NDUFB5: variants seen among roughly 807,000 people sequenced by gnomAD.
NDUFB5 encodes the protein NADH:ubiquinone oxidoreductase subunit B5, also known as NADH dehydrogenase [ubiquinone] 1 beta subcomplex subunit 5, mitochondrial.
In NDUFB5, 19 loss-of-function variants were observed where a neutral mutation model predicts 19.4. The observed-to-expected ratio is 0.98, with a 90% confidence interval of 0.68 to 1.43. The LOEUF is 1.43. Among genes scored for constraint, NDUFB5 ranks in the 40% most tolerant of loss-of-function variants. The pLI is 0.00. For missense variants in NDUFB5, 233 were observed against 236.5 expected, an observed-to-expected ratio of 0.99 and a Z score of 0.10; for synonymous variants, 80 against 82.6, an observed-to-expected ratio of 0.97 and a Z score of 0.17.
Position 179,617,013 on chromosome 3 carries a change from G to A in NDUFB5, c.311G>A (p.Gly104Asp). The change falls in exon 4 of 6, where the codon GGC becomes GAC. Residue 104 changes from glycine (G) to aspartate (D), a missense_variant. By Grantham distance (94) the Gly-to-Asp change is moderately conservative (BLOSUM62 -1). Coordinates refer to ENST00000259037, the MANE Select transcript of NDUFB5 (RefSeq NM_002492.4). ...GCTGAACTAGCAGAAATTCCAGAAG[G>A]CTATGTCCCAGAACACTGGGAATAT... ...GQAELAEIPEGYVPEHWEYYK... is the reference protein window; with the variant it reads ...GQAELAEIPEDYVPEHWEYYK... 3 of 1,612,812 alleles carry A rather than the reference G, an allele frequency of 1.9e-6. No individual in the cohort carries two copies. The highest frequency in any genetic ancestry group is 2.5e-6 in the Non-Finnish European group (3 of 1,179,116).
At chr3:179,618,232 T>TA (rs1210709863) in intron 4 of NDUFB5, 183 bp from the exon 5 acceptor site, 2 of 459,204 alleles carry the variant, frequency 4.4e-6, no homozygotes, top group African/African-American at 4.1e-5. Context: ...CACTTATCTT[T>TA]AAAATGCGGA....
At position 179,623,882 on chromosome 3, in the gene NDUFB5, G is replaced by A. The variant is rs773348127; in HGVS notation, c.450-38G>A. 3 of 1,610,984 alleles carry A rather than the reference G, an allele frequency of 1.9e-6. No individual in the cohort carries two copies. The Admixed American group carries it at 5.0e-5, about 27-fold the overall frequency. On this transcript the variant is annotated intron_variant, in intron 5 of 5. Coordinates refer to ENST00000259037, the MANE Select transcript of NDUFB5 (RefSeq NM_002492.4). Reference sequence around the variant, plus strand: ...TGGCTCATTAAATTTATAATTGGAAGTGCTGGAATCTCAATATTGCTGTTC... The same window carrying A: ...TGGCTCATTAAATTTATAATTGGAAATGCTGGAATCTCAATATTGCTGTTC...
chr3:179,615,901 G>A (rs963282685), intron 2 of NDUFB5, 82 bp from the exon 3 acceptor site: 6 of 1,070,156 alleles, frequency 5.6e-6, no homozygotes, highest in East Asian at 2.4e-5. Context: ...TAAGAAATAT[G>A]AGGAAATCAT....
intron 3 of NDUFB5, among the ~76,000 whole-genome samples, 158 bp downstream of exon 3, chr3:179,616,207 A>G (rs1310446017): frequency 3.9e-5 from 6 of 152,216 alleles, no homozygotes; most frequent in Non-Finnish European, 5.9e-5. Context: ...CCAAATCTCA[A>G]TCTGAACTAA....
In NDUFB5 at chr3:179,624,895, CA is replaced by C. The variant is rs1719635442; in HGVS notation, c.*857del. ...GCAACCTCCGCCTCCCGGGTTCAAGCAATTCTTGTCTCAGCCTCCCAAGTAG... is the reference window on the plus strand; with the variant it reads ...GCAACCTCCGCCTCCCGGGTTCAAGCATTCTTGTCTCAGCCTCCCAAGTAG... On this transcript the variant is annotated 3_prime_UTR_variant, in exon 6 of 6. Coordinates refer to ENST00000259037, the MANE Select transcript of NDUFB5 (RefSeq NM_002492.4). 1 of 149,382 alleles carries C rather than the reference CA, an allele frequency of 6.7e-6. No individual in the cohort carries two copies. The highest frequency in any genetic ancestry group is 2.5e-5 in the African/African-American group (1 of 40,156). 9.3% of individuals were successfully genotyped at this position (149,382 alleles called of 1,614,324 possible). A position where few individuals can be genotyped will look rare whatever the true frequency, so the allele number is the denominator to read the frequency against.
chr3:179,623,980 C>A lies in NDUFB5; in HGVS notation c.510C>A (p.Tyr170Ter). Residue 170 changes from tyrosine to a stop codon, truncating the protein, a stop_gained, in exon 6 of 6, where the codon TAC (tyrosine) becomes TAA (stop). Coordinates refer to ENST00000259037, the MANE Select transcript of NDUFB5 (RefSeq NM_002492.4). LOFTEE classifies it high-confidence loss of function. ...TGAGAGGAGATGGACCCTGGTATTACTATGAGACAATTGACAAGGAACTTA... is the reference window on the plus strand; with the variant it reads ...TGAGAGGAGATGGACCCTGGTATTAATATGAGACAATTGACAAGGAACTTA... Reference protein sequence around the residue: ...MHVRGDGPWYYYETIDKELID... With the variant: ...MHVRGDGPWY The A allele has an allele frequency of 2.5e-6, 4 of 1,613,926 alleles. No homozygotes were observed. The highest frequency in any genetic ancestry group is 3.4e-6 in the Non-Finnish European group (4 of 1,179,870).
intron 5 of NDUFB5, among the ~76,000 whole-genome samples, chr3:179,621,323 C>CAAATG (rs1719528295): frequency 6.6e-6 from 1 of 152,070 alleles, no homozygotes; most frequent in Non-Finnish European, 1.5e-5. Context: ...AGCGATCCAC[C>CAAATG]CTCTGGGCCT....
intron 5 of NDUFB5, among the ~76,000 whole-genome samples, chr3:179,622,497 G>T (rs1719565203): frequency 6.6e-6 from 1 of 151,896 alleles, no homozygotes; most frequent in South Asian, 2.1e-4. Context: ...TTTATACCTT[G>T]CTTTTTAAAA....
At chr3:179,608,836 C>T (rs1270147978) in intron 1 of NDUFB5, among the ~76,000 whole-genome samples, 1 of 152,090 alleles carries the variant, frequency 6.6e-6, no homozygotes, top group African/African-American at 2.4e-5. Flanking sequence ...TGGGGAGTTT[C>T]TTCAGACCCA....
rs1214239602 is a variant in NDUFB5, at chr3:179,625,883, T to C, written c.*1843T>C. ...TGCTACAAATGACAGAATCCCATTCTTTTTCATAATATTGTCCATACATAC... is the reference window on the plus strand; with the variant it reads ...TGCTACAAATGACAGAATCCCATTCCTTTTCATAATATTGTCCATACATAC... On this transcript the variant is annotated 3_prime_UTR_variant, in exon 6 of 6. Transcript: ENST00000259037. 1 of 152,220 alleles carries C rather than the reference T, an allele frequency of 6.6e-6. No homozygotes were observed. 9.4% of individuals were successfully genotyped at this position (152,220 alleles called of 1,614,324 possible).
At chr3:179,606,954 G>A (rs1560022968) in intron 1 of NDUFB5, among the ~76,000 whole-genome samples, 1 of 152,276 alleles carries the variant, frequency 6.6e-6, no homozygotes, top group East Asian at 1.9e-4. Flanking sequence ...ATTCCTTGAT[G>A]AAAATCCCTT....
chr3:179,623,884 G>A (rs762886724), intron 5 of NDUFB5, 36 bp from the exon 6 acceptor site: 1 of 1,611,438 alleles, frequency 6.2e-7, no homozygotes, highest in South Asian at 1.1e-5. Flanking sequence ...AATTGGAAGT[G>A]CTGGAATCTC....
At chr3:179,622,581 T>G (rs1229094600) in intron 5 of NDUFB5, among the ~76,000 whole-genome samples, 1 of 152,234 alleles carries the variant, frequency 6.6e-6, no homozygotes, top group East Asian at 1.9e-4. Context: ...AGTAGGTACA[T>G]AGTAGTCCAT....
At chr3:179,620,648 T>C (rs991577395) in intron 5 of NDUFB5, among the ~76,000 whole-genome samples, 1 of 152,226 alleles carries the variant, frequency 6.6e-6, no homozygotes, top group Non-Finnish European at 1.5e-5. Flanking sequence ...CCAGCTTTGT[T>C]CTTTTGGCTT....
Position 179,626,530 on chromosome 3 carries a change from T to A in NDUFB5, c.*2490T>A, listed in dbSNP as rs1255406210. 2 of 149,728 alleles carry A rather than the reference T, an allele frequency of 1.3e-5. No individual in the cohort carries two copies. The highest frequency in any genetic ancestry group is 2.9e-5 in the Non-Finnish European group (2 of 68,080). The allele number at this position is 149,728 out of a possible 1,614,324, so 9.3% of individuals were successfully genotyped here. A position where few individuals can be genotyped will look rare whatever the true frequency, so the allele number is the denominator to read the frequency against. ...GGTACTTTAGGCGTGCCTGGCCTTT[T>A]TGTCCATTTTATTTTTTTGAGATGG... On this transcript the variant is annotated 3_prime_UTR_variant, in exon 6 of 6. Coordinates refer to ENST00000259037, the MANE Select transcript of NDUFB5 (RefSeq NM_002492.4).
chr3:179,615,152 A>G (rs1458258482), intron 2 of NDUFB5, 93 bp downstream of exon 2: 6 of 606,274 alleles, frequency 9.9e-6, no homozygotes, highest in Non-Finnish European at 1.7e-5. Flanking sequence ...TTTATGAAAT[A>G]TTTTATTTTG....
At chr3:179,623,687 C>A (rs1305296429) in intron 5 of NDUFB5, among the ~76,000 whole-genome samples, 2 of 151,948 alleles carry the variant, frequency 1.3e-5, no homozygotes, top group Non-Finnish European at 2.9e-5. Context: ...AAAACAAAAA[C>A]AACAAAAAAA....
rs1480901906 is a variant in NDUFB5, at chr3:179,625,500, CAG to C, written c.*1461_*1462del. ...TGTATGCAAAGTATAATGGTCAAATCAGGGTATTTGAATATACATATATTTCA... is the reference window on the plus strand; with the variant it reads ...TGTATGCAAAGTATAATGGTCAAATCGGTATTTGAATATACATATATTTCA... On this transcript the variant is annotated 3_prime_UTR_variant, in exon 6 of 6. Transcript: ENST00000259037. 2 of 152,032 alleles carry C rather than the reference CAG, an allele frequency of 1.3e-5. No individual in the cohort carries two copies. The highest frequency in any genetic ancestry group is 1.9e-4 in the East Asian group (1 of 5,202). The allele number at this position is 152,032 out of a possible 1,614,324, so 9.4% of individuals were successfully genotyped here. A position where few individuals can be genotyped will look rare whatever the true frequency, so the allele number is the denominator to read the frequency against.
At chr3:179,613,581 CA>C (rs539084135) in intron 1 of NDUFB5, among the ~76,000 whole-genome samples, 4 of 151,916 alleles carry the variant, frequency 2.6e-5, no homozygotes, top group Non-Finnish European at 4.4e-5. Context: ...ATCTAGTCCA[CA>C]AAAAAAATTA....
Sources: gnomAD v4.1 joint callset for allele counts (sites outside exome capture counted in the v4.1 genomes callset) on GRCh38, gnomAD v4.1.1 for gene constraint, MANE v1.5 for transcripts, NCBI Gene and HGNC (gene_info 2026-07-23, HGNC 2026-07-21) for gene names.